PHF3: variants seen among roughly 807,000 people sequenced by gnomAD.
PHF3 encodes PHD finger protein 3.
PHF3 carries 41 observed loss-of-function variants against 178.4 expected under a neutral mutation model. That is an observed-to-expected ratio of 0.23 (90% CI 0.18 to 0.30). The LOEUF is 0.30. Ranked by LOEUF, PHF3 falls within the 10% of genes least tolerant of loss-of-function variation. PHF3 has a pLI of 1.00. For synonymous variants in PHF3, 842 were observed against 800.5 expected (o/e 1.05, Z -0.88); for missense variants, 2,346 against 2,398.1 (o/e 0.98, Z 0.45).
At chr6:63,703,487 A>C in intron 10 of PHF3, 49 bp from the exon 11 acceptor site, 1 of 1,562,470 alleles carries the variant, frequency 6.4e-7, no homozygotes, top group Non-Finnish European at 8.6e-7. Context: ...TTGATAATTG[A>C]GGCCAAATTT....
chr6:63,669,049 A>G (rs983065637), intron 2 of PHF3, among the ~76,000 whole-genome samples: 8 of 152,230 alleles, frequency 5.3e-5, no homozygotes, highest in Non-Finnish European at 5.9e-5. Context: ...TTAAGGCTGA[A>G]TGTTGATCAT....
Position 63,723,533 on chromosome 6 carries a change from A to C in PHF3, c.*9825A>C, listed in dbSNP as rs1768490610. 6.6e-6 allele frequency among the ~76,000 whole-genome samples: 1 copy of C among 152,088 alleles called. No individual in the cohort carries two copies. Among genetic ancestry groups the C allele is most frequent in the Non-Finnish European group, 1.5e-5 (1 of 68,014 alleles). ...ACATTAGAATAAAAAATATCTAAGAAATGATTAGGAAAGCTGAAGCTGTGA... is the reference window on the plus strand; with the variant it reads ...ACATTAGAATAAAAAATATCTAAGACATGATTAGGAAAGCTGAAGCTGTGA... On this transcript the variant is annotated 3_prime_UTR_variant, in exon 16 of 16. Coordinates refer to ENST00000262043, the MANE Select transcript of PHF3 (RefSeq NM_001370348.2).
intron 2 of PHF3, among the ~76,000 whole-genome samples, chr6:63,677,476 G>GCTT (rs1236547005): frequency 6.6e-6 from 1 of 152,164 alleles, no homozygotes; most frequent in Non-Finnish European, 1.5e-5. Context: ...GTCAGATGCT[G>GCTT]CTAGGAAATG....
rs1375492783 is a variant in PHF3 at position 63,715,640 on chromosome 6, C to T, written c.*1932C>T. Among the ~76,000 whole-genome samples, 5 of 152,056 alleles carry T rather than the reference C, an allele frequency of 3.3e-5. No individual in the cohort carries two copies. Among genetic ancestry groups the T allele is most frequent in the African/African-American group, 9.7e-5 (4 of 41,412 alleles). ...CTAAAATTCTTTAATCAGTTCTGAT[C>T]GAATCTTGATACATGTTTTTAAAAT... On this transcript the variant is annotated 3_prime_UTR_variant, in exon 16 of 16. Coordinates refer to ENST00000262043, the MANE Select transcript of PHF3 (RefSeq NM_001370348.2).
rs1767813108 is a variant in PHF3 at position 63,709,087 on chromosome 6, T to C, written c.3712-64T>C. 76 of 798,298 alleles carry C rather than the reference T, an allele frequency of 9.5e-5. No homozygotes were observed. The South Asian group carries it at 1.5e-3, about 16-fold the overall frequency. The allele number at this position is 798,298 out of a possible 1,614,324, so 49.5% of individuals were successfully genotyped here. On this transcript the variant is annotated intron_variant, in intron 13 of 15. Coordinates refer to ENST00000262043, the MANE Select transcript of PHF3 (RefSeq NM_001370348.2). ...AGTCTTAGAATCAAATTTGTATGAATTACTAATGTCATAATAAAGATAATC... is the reference window on the plus strand; with the variant it reads ...AGTCTTAGAATCAAATTTGTATGAACTACTAATGTCATAATAAAGATAATC...
rs115031975 is a variant in PHF3 at position 63,716,580 on chromosome 6, C to T, written c.*2872C>T. ...AAAACCACACAAATTTATGATCTTA[C>T]GGTTCTGTGGATCAGAAGTCTGTGC... On this transcript the variant is annotated 3_prime_UTR_variant, in exon 16 of 16. Transcript: ENST00000262043. Among the ~76,000 whole-genome samples, 975 of 152,172 alleles carry T rather than the reference C, an allele frequency of 6.4e-3. 10 individuals are homozygous for T. The highest frequency in any genetic ancestry group is 0.022 in the African/African-American group (911 of 41,526).
In PHF3 at chr6:63,721,660, C is replaced by G. The variant is rs1468447938; in HGVS notation, c.*7952C>G. ...AGATCCAGGTAGCCTTCTGCACCAA[C>G]TCTTCCTGCTTTTATTATATGCCAA... On this transcript the variant is annotated 3_prime_UTR_variant, in exon 16 of 16. Coordinates refer to ENST00000262043, the MANE Select transcript of PHF3 (RefSeq NM_001370348.2). 6.4e-7 allele frequency: 1 copy of G among 1,551,496 alleles called. No individual in the cohort carries two copies. The highest frequency in any genetic ancestry group is 2.4e-5 in the East Asian group (1 of 40,912).
chr6:63,670,279 C>CT (rs1282795063), intron 2 of PHF3, among the ~76,000 whole-genome samples: 4 of 151,582 alleles, frequency 2.6e-5, no homozygotes, highest in African/African-American at 9.7e-5. Context: ...TGTTTTTTTG[C>CT]TTTTTTGAGA....
chr6:63,686,213 A>G (rs1214754432), intron 4 of PHF3: 10 of 309,324 alleles, frequency 3.2e-5, no homozygotes, highest in Non-Finnish European at 4.7e-5. Context: ...AAAAAAGCCA[A>G]ACACTTCCTG....
chr6:63,674,498 A>G (rs939309493), intron 2 of PHF3, among the ~76,000 whole-genome samples: 1 of 151,908 alleles, frequency 6.6e-6, no homozygotes, highest in Non-Finnish European at 1.5e-5. Flanking sequence ...AATTGTATGT[A>G]ACATACAACT....
chr6:63,713,682 A>G lies in PHF3; in HGVS notation c.6094A>G (p.Thr2032Ala). 2.5e-6 allele frequency: 4 copies of G among 1,569,658 alleles called. No individual in the cohort carries two copies. The highest frequency in any genetic ancestry group is 1.4e-5 in the African/African-American group (1 of 72,318). The change falls in exon 16 of 16, where the codon ACT becomes GCT. Residue 2032 changes from threonine to alanine, a missense_variant. Around this residue, in one of 8 missense-constraint regions of PHF3, gnomAD observed 839 missense variants for 806.9 expected, o/e 1.04. Transcript: ENST00000262043. ...TAGGTACCACAAAGATAGGGACCAC[A>G]CTGACAGAACTAAAAGCAAAAGGTA... is the stretch of plus-strand genomic sequence containing the variant. ...RDRYHKDRDH[T>A]DRTKSKR
intron 2 of PHF3, among the ~76,000 whole-genome samples, chr6:63,658,018 A>G (rs1200751071): frequency 6.6e-6 from 1 of 152,218 alleles, no homozygotes; most frequent in Non-Finnish European, 1.5e-5. Context: ...TTCAGGGTTA[A>G]GAAAATACTT....
chr6:63,647,566 A>G (rs1764843658), intron 2 of PHF3, among the ~76,000 whole-genome samples: 1 of 152,130 alleles, frequency 6.6e-6, no homozygotes, highest in South Asian at 2.1e-4. Flanking sequence ...TGCCTTTTTA[A>G]AAGTGACTAC....
intron 1 of PHF3, among the ~76,000 whole-genome samples, chr6:63,639,091 T>A (rs190574282): frequency 7.3e-4 from 111 of 152,264 alleles, no homozygotes; most frequent in Non-Finnish European, 1.3e-3. Flanking sequence ...ACTTGACAAT[T>A]ATTGTCCTGC....
In PHF3 at chr6:63,716,139, A is replaced by T. The variant is rs1768182882; in HGVS notation, c.*2431A>T. On this transcript the variant is annotated 3_prime_UTR_variant, in exon 16 of 16. Coordinates refer to ENST00000262043, the MANE Select transcript of PHF3 (RefSeq NM_001370348.2). ...ATCCCTGGTTTTGAGCACTTAGTATAAACATTGGTCAACTCAAAGGTGAAG... is the reference window on the plus strand; with the variant it reads ...ATCCCTGGTTTTGAGCACTTAGTATTAACATTGGTCAACTCAAAGGTGAAG... Among the ~76,000 whole-genome samples, 1 of 152,146 alleles carries T rather than the reference A, an allele frequency of 6.6e-6. No homozygotes were observed. Among genetic ancestry groups the T allele is most frequent in the African/African-American group, 2.4e-5 (1 of 41,450 alleles).
chr6:63,693,248 A>G (rs1393628497), intron 5 of PHF3, among the ~76,000 whole-genome samples: 1 of 152,158 alleles, frequency 6.6e-6, no homozygotes, highest in Non-Finnish European at 1.5e-5. Flanking sequence ...TCTTGGCCAT[A>G]TACATATGCA....
At chr6:63,668,064 G>A (rs1378951205) in intron 2 of PHF3, among the ~76,000 whole-genome samples, 2 of 152,296 alleles carry the variant, frequency 1.3e-5, no homozygotes, top group Non-Finnish European at 2.9e-5. Context: ...ATGGTTTTAT[G>A]CATCCATTGA....
rs552776513 is a variant in PHF3 at position 63,708,703 on chromosome 6, C to T, written c.3712-448C>T. 9.9e-5 allele frequency among the ~76,000 whole-genome samples: 15 copies of T among 152,160 alleles called. No homozygotes were observed. The South Asian group carries it at 3.1e-3, about 32-fold the overall frequency. ...CTTGAATTATTACAATATTATTCTC[C>T]TTTGTGCAAAAATACACTCTGTAAT... On this transcript the variant is annotated intron_variant, in intron 13 of 15. Transcript: ENST00000262043.
In PHF3 at chr6:63,698,294, T is replaced by G. The variant is rs765399025; in HGVS notation, c.2752T>G (p.Ser918Ala). The G allele has an allele frequency of 4.3e-6, 7 of 1,613,286 alleles. No individual in the cohort carries two copies. Among genetic ancestry groups the G allele is most frequent in the African/African-American group, 1.3e-5 (1 of 75,062 alleles). The change falls in exon 7 of 16, where the codon TCT (serine) becomes GCT (alanine). Residue 918 changes from serine to alanine, a missense_variant. Around this residue, in one of 8 missense-constraint regions of PHF3, gnomAD observed 252 missense variants for 232.0 expected, o/e 1.09. Transcript: ENST00000262043. The part of the protein sequence containing the change: ...KGVLNVHPAA[S>A]ASKPSADQIR... ...AGTGCTTAATGTACATCCTGCTGCT[T>G]CTGCTTCCAAGCCTTCTGCAGATCA...
Sources: gnomAD v4.1 joint callset for allele counts (sites outside exome capture counted in the v4.1 genomes callset) on GRCh38, gnomAD v4.1.1 for gene constraint, gnomAD v4.1.1 regional missense constraint, MANE v1.5 for transcripts, NCBI Gene and HGNC (gene_info 2026-07-23, HGNC 2026-07-21) for gene names.